Variants in ZNF592 observed in about 807,000 individuals in gnomAD.
ZNF592 encodes the protein zinc finger protein 592.
Under a neutral mutation model 80.3 loss-of-function variants are expected in ZNF592, and 11 were observed. That is an observed-to-expected ratio of 0.14 (90% CI 0.09 to 0.23). The LOEUF (loss-of-function observed/expected upper bound fraction) is 0.23, where lower values mean the gene tolerates loss of function less well. Among genes scored for constraint, ZNF592 ranks in the 10% least tolerant of loss-of-function variants. ZNF592 has a pLI of 1.00. For missense variants in ZNF592, 1,420 were observed against 1,633.9 expected, an observed-to-expected ratio of 0.87 and a Z score of 2.26; for synonymous variants, 646 against 640.3, an observed-to-expected ratio of 1.01 and a Z score of -0.13.
chr15:84,768,034 G>T (rs1028405004), intron 2 of ZNF592, among the ~76,000 whole-genome samples: 4 of 150,026 alleles, frequency 2.7e-5, no homozygotes, highest in Non-Finnish European at 3.0e-5. Flanking sequence ...GTGCCACCAC[G>T]CCCAGCTAAT....
In ZNF592 at chr15:84,798,421, C is replaced by T. The variant is rs200949369; in HGVS notation, c.2683C>T (p.Pro895Ser). 11 of 1,614,154 alleles carry T rather than the reference C, an allele frequency of 6.8e-6. No individual in the cohort carries two copies. Among genetic ancestry groups the T allele is most frequent in the Admixed American group, 1.7e-5 (1 of 60,024 alleles). ...SKTQVGVFKC[P>S]ECPLLFVQKP... The stretch of plus-strand genomic sequence containing the variant: ...GACGCAGGTGGGCGTCTTCAAGTGC[C>T]CTGAGTGCCCACTCTTGTTCGTGCA... The change falls in exon 7 of 11, where the codon CCT becomes TCT. Residue 895 changes from proline to serine, a missense_variant. Pro to Ser is a moderately conservative substitution (Grantham distance 74). Transcript: ENST00000560079. The surrounding 1 kb of genome is among the most constrained non-coding windows in gnomAD (Gnocchi z 4.5).
At chr15:84,766,652 A>G (rs1421090202) in intron 2 of ZNF592, among the ~76,000 whole-genome samples, 1 of 151,272 alleles carries the variant, frequency 6.6e-6, no homozygotes, top group Non-Finnish European at 1.5e-5. Context: ...AAGAGAAGAG[A>G]GGGAGAGAAA....
chr15:84,798,560 A>C lies in ZNF592; in HGVS notation c.2737-28A>C. On this transcript the variant is annotated intron_variant, in intron 7 of 10. Coordinates refer to ENST00000560079, the MANE Select transcript of ZNF592 (RefSeq NM_014630.3). This position sits in a 1 kb window ranked among gnomAD's most constrained non-coding sequence, Gnocchi z 4.5. ...ACTCTGTGCATCTTTCCCCTTGCCCAGTCAGTAATCGCTCTCCCCATCCCC... is the reference window on the plus strand; with the variant it reads ...ACTCTGTGCATCTTTCCCCTTGCCCCGTCAGTAATCGCTCTCCCCATCCCC... 1 of 1,613,992 alleles carries C rather than the reference A, an allele frequency of 6.2e-7. No homozygotes were observed. The highest frequency in any genetic ancestry group is 8.5e-7 in the Non-Finnish European group (1 of 1,180,006).
chr15:84,766,089 C>T (rs1367795695), intron 2 of ZNF592, among the ~76,000 whole-genome samples: 1 of 151,506 alleles, frequency 6.6e-6, no homozygotes, highest in Admixed American at 6.6e-5. Context: ...TCAAGACTCA[C>T]TGCAGCCTTT....
rs999600959 is a variant in ZNF592, at chr15:84,805,005, C to T, written c.*2612C>T. ...TGTCAACCACTGTGCTCGTTAGTGACCAAGGCTGCTTTGACAGGCTGCCAG... is the reference window on the plus strand; with the variant it reads ...TGTCAACCACTGTGCTCGTTAGTGATCAAGGCTGCTTTGACAGGCTGCCAG... On this transcript the variant is annotated 3_prime_UTR_variant, in exon 11 of 11. Transcript: ENST00000560079. 3.3e-5 allele frequency: 5 copies of T among 152,178 alleles called. No individual in the cohort carries two copies. Among genetic ancestry groups the T allele is most frequent in the African/African-American group, 1.2e-4 (5 of 41,434 alleles). 9.4% of individuals were successfully genotyped at this position (152,178 alleles called of 1,614,324 possible). A position where few individuals can be genotyped will look rare whatever the true frequency, so the allele number is the denominator to read the frequency against.
At chr15:84,775,505 TCAC>T (rs1235173252) in intron 2 of ZNF592, among the ~76,000 whole-genome samples, 4 of 152,160 alleles carry the variant, frequency 2.6e-5, no homozygotes, top group Non-Finnish European at 5.9e-5. Context: ...CGATCTCAGC[TCAC>T]TGCAACCTCC....
Position 84,799,279 on chromosome 15 carries a change from C to G in ZNF592, c.3137+69C>G. On this transcript the variant is annotated intron_variant, in intron 9 of 10. Transcript: ENST00000560079. This position sits in a 1 kb window ranked among gnomAD's most constrained non-coding sequence, Gnocchi z 4.2. ...GACTCTGTCCGTGGCACCACTGGGG[C>G]TTTTCTGTGCTGCAAGATCAGGTGT... 2 of 1,416,174 alleles carry G rather than the reference C, an allele frequency of 1.4e-6. No individual in the cohort carries two copies. Among genetic ancestry groups the G allele is most frequent in the Non-Finnish European group, 2.0e-6 (2 of 999,952 alleles). 87.7% of individuals were successfully genotyped at this position (1,416,174 alleles called of 1,614,324 possible).
chr15:84,797,467 G>A (rs895486936), intron 5 of ZNF592, among the ~76,000 whole-genome samples: 2 of 152,172 alleles, frequency 1.3e-5, no homozygotes, highest in Non-Finnish European at 2.9e-5. Flanking sequence ...AGCCTCCTTC[G>A]GAAATTCTTG....
At chr15:84,749,162 A>G (rs190518916) in intron 1 of ZNF592, among the ~76,000 whole-genome samples, 1 of 152,322 alleles carries the variant, frequency 6.6e-6, no homozygotes, top group African/African-American at 2.4e-5. Flanking sequence ...CCTGAGCCCA[A>G]GTTCTGACCC....
chr15:84,765,114 C>G lies in ZNF592; in HGVS notation c.-150+299C>G, dbSNP rs369650710. On this transcript the variant is annotated intron_variant, in intron 2 of 10. Transcript: ENST00000560079. ...TAACCCCTGGCAACCAATTCTACTT[C>G]TTGTCTCTATGAATTTGCCTACTCT... 6.6e-5 allele frequency among the ~76,000 whole-genome samples: 10 copies of G among 152,144 alleles called. No individual in the cohort carries two copies. The East Asian group carries it at 7.7e-4, about 12-fold the overall frequency.
intron 3 of ZNF592, among the ~76,000 whole-genome samples, chr15:84,780,706 C>T (rs971927000): frequency 6.6e-6 from 1 of 152,114 alleles, no homozygotes; most frequent in Non-Finnish European, 1.5e-5. Context: ...ACCTGTTGAT[C>T]CCACGGGGTG....
chr15:84,789,712 G>A (rs1962687901), intron 4 of ZNF592, among the ~76,000 whole-genome samples: 1 of 152,092 alleles, frequency 6.6e-6, no homozygotes, highest in Non-Finnish European at 1.5e-5. Context: ...TACATATTCA[G>A]TCATTCTTTT....
Position 84,783,296 on chromosome 15 carries a change from A to G in ZNF592, c.621A>G (p.Pro207=). Residue 207 remains proline, a synonymous_variant, in exon 4 of 11, where the codon CCA becomes CCG. Transcript: ENST00000560079. The surrounding 1 kb of genome is among the most constrained non-coding windows in gnomAD (Gnocchi z 5.0). The part of the protein sequence containing the change: ...FDHFCKKEPK[P]EPLPLGSQQE... ...ATTTTTGTAAGAAAGAACCCAAGCC[A>G]GAACCCCTGCCCTTGGGGAGCCAGC... is the stretch of plus-strand genomic sequence containing the variant. The G allele has an allele frequency of 6.2e-7, 1 of 1,614,276 alleles. No homozygotes were observed. The highest frequency in any genetic ancestry group is 8.5e-7 in the Non-Finnish European group (1 of 1,180,042).
chr15:84,800,743 T>C (rs1238165812), intron 10 of ZNF592, among the ~76,000 whole-genome samples: 2 of 152,226 alleles, frequency 1.3e-5, no homozygotes, highest in African/African-American at 4.8e-5. Context: ...AAAATGCACA[T>C]ACCCTTTGAT....
intron 5 of ZNF592, among the ~76,000 whole-genome samples, chr15:84,797,462 C>G (rs1359321720): frequency 6.6e-6 from 1 of 152,188 alleles, no homozygotes; most frequent in Non-Finnish European, 1.5e-5. Flanking sequence ...TGTGCAGCCT[C>G]CTTCGGAAAT....
intron 2 of ZNF592, among the ~76,000 whole-genome samples, chr15:84,765,524 T>C (rs1899482362): frequency 7.0e-6 from 1 of 142,600 alleles, no homozygotes; most frequent in African/African-American, 2.6e-5. Flanking sequence ...TCACTAGCAC[T>C]TGTTATTATT....
Position 84,790,809 on chromosome 15 carries a change from C to T in ZNF592, c.2325C>T (p.Val775=). The part of the protein sequence containing the change: ...KSPYCCPECG[V]LCRSAYFQTH... Reference sequence around the variant, plus strand: ...CCTACTGCTGCCCGGAGTGTGGGGTCCTCTGCCGCTCTGCCTACTTCCAGA... The same window carrying T: ...CCTACTGCTGCCCGGAGTGTGGGGTTCTCTGCCGCTCTGCCTACTTCCAGA... The change falls in exon 5 of 11, where the codon GTC becomes GTT. Residue 775 remains valine (V), a synonymous_variant. Coordinates refer to ENST00000560079, the MANE Select transcript of ZNF592 (RefSeq NM_014630.3). The T allele has an allele frequency of 1.2e-6, 2 of 1,614,230 alleles. No individual in the cohort carries two copies. Among genetic ancestry groups the T allele is most frequent in the Non-Finnish European group, 1.7e-6 (2 of 1,180,048 alleles).
chr15:84,792,316 G>C (rs958452783), intron 5 of ZNF592, among the ~76,000 whole-genome samples: 9 of 152,000 alleles, frequency 5.9e-5, no homozygotes, highest in African/African-American at 2.2e-4. Context: ...TTTTCCAGCG[G>C]ACATTGAGGA....
At chr15:84,766,167 C>T (rs1277807445) in intron 2 of ZNF592, among the ~76,000 whole-genome samples, 1 of 152,104 alleles carries the variant, frequency 6.6e-6, no homozygotes, top group African/African-American at 2.4e-5. Flanking sequence ...CACACACCAC[C>T]GTGCCTGGCT....
Sources: allele counts gnomAD v4.1 joint callset (sites outside exome capture counted in the v4.1 genomes callset), GRCh38; gene constraint gnomAD v4.1.1; non-coding constraint Gnocchi (gnomAD v3.1); transcripts MANE v1.5; gene names NCBI Gene and HGNC (gene_info 2026-07-23, HGNC 2026-07-21).